ZFAND1: variants seen among roughly 807,000 people sequenced by gnomAD.
ZFAND1 encodes the protein AN1-type zinc finger protein 1.
ZFAND1 carries 40 observed loss-of-function variants against 38.5 expected under a neutral mutation model. The ratio of observed to expected loss-of-function variants is 1.04; its 90% CI spans 0.81 to 1.35. The LOEUF is 1.35. Among genes scored for constraint, ZFAND1 ranks in the 40% most tolerant of loss-of-function variants. The pLI, the probability that ZFAND1 is intolerant of heterozygous loss-of-function variation, is 0.00. For missense variants in ZFAND1, 346 were observed against 316.3 expected, an observed-to-expected ratio of 1.09 and a Z score of -0.71; for synonymous variants, 117 against 103.6, an observed-to-expected ratio of 1.13 and a Z score of -0.78.
chr8:81,719,465 C>A (rs1245423382), intron 1 of ZFAND1, among the ~76,000 whole-genome samples: 1 of 152,004 alleles, frequency 6.6e-6, no homozygotes, highest in Non-Finnish European at 1.5e-5. Context: ...CGAGATCGCG[C>A]CACTGCACTC....
In ZFAND1 at chr8:81,721,266, T is replaced by C. The variant is rs1459989363; in HGVS notation, c.16A>G (p.Ile6Val). Residue 6 changes from isoleucine to valine, a missense_variant, in exon 1 of 8, where the codon ATC becomes GTC. Coordinates refer to ENST00000220669, the MANE Select transcript of ZFAND1 (RefSeq NM_024699.3). MAELD[I>V]GQHCQVEHCR... ...TGCTCCACCTGGCAGTGCTGCCCGA[T>C]GTCCAACTCCGCCATCTCTCCGGCG... 1.2e-5 allele frequency: 18 copies of C among 1,549,270 alleles called. No individual in the cohort carries two copies. The highest frequency in any genetic ancestry group is 1.5e-5 in the Non-Finnish European group (17 of 1,147,144).
intron 6 of ZFAND1, among the ~76,000 whole-genome samples, chr8:81,710,673 G>A (rs112160185): frequency 2.2e-4 from 34 of 152,060 alleles, no homozygotes; most frequent in African/African-American, 6.0e-4. Context: ...AATATAAAGC[G>A]ATGAAAAAAT....
intron 6 of ZFAND1, among the ~76,000 whole-genome samples, chr8:81,707,677 C>T (rs1808022780): frequency 6.6e-6 from 1 of 152,002 alleles, no homozygotes; most frequent in Non-Finnish European, 1.5e-5. Context: ...AGATATAGAA[C>T]ATTCTATAAA....
intron 6 of ZFAND1, among the ~76,000 whole-genome samples, chr8:81,706,681 T>A (rs1025094313): frequency 1.4e-4 from 22 of 151,968 alleles, no homozygotes; most frequent in African/African-American, 4.3e-4. Context: ...ATTTAAAAAA[T>A]TAAAGCTATT....
rs1807806077 is a variant in ZFAND1, at chr8:81,701,402, C to T, written c.*1293G>A. 1.3e-5 allele frequency: 2 copies of T among 152,076 alleles called. No individual in the cohort carries two copies. Among genetic ancestry groups the T allele is most frequent in the African/African-American group, 4.8e-5 (2 of 41,394 alleles). 9.4% of individuals were successfully genotyped at this position (152,076 alleles called of 1,614,324 possible). On this transcript the variant is annotated 3_prime_UTR_variant, in exon 8 of 8. Coordinates refer to ENST00000220669, the MANE Select transcript of ZFAND1 (RefSeq NM_024699.3). ...ATTTTTTAGACATAATGCTATTGCACATTAAATAGACTATAGTATAGTGTA... is the reference window on the plus strand; with the variant it reads ...ATTTTTTAGACATAATGCTATTGCATATTAAATAGACTATAGTATAGTGTA...
At chr8:81,702,928 A>G in intron 7 of ZFAND1, 41 bp downstream of exon 7, 1 of 1,503,190 alleles carries the variant, frequency 6.7e-7, no homozygotes. Context: ...GCATCATAAA[A>G]CCTTTATTAA....
intron 6 of ZFAND1, among the ~76,000 whole-genome samples, chr8:81,704,039 T>C (rs1026845963): frequency 1.3e-5 from 2 of 152,104 alleles, no homozygotes; most frequent in African/African-American, 4.8e-5. Flanking sequence ...ACAACATTTC[T>C]TTTTATGTGA....
chr8:81,714,163 A>AATGTGGTCTCTGTATAT, intron 5 of ZFAND1, 124 bp from the exon 6 acceptor site: 2 of 897,508 alleles, frequency 2.2e-6, no homozygotes. Flanking sequence ...ATATACAGAG[A>AATGTGGTCTCTGTATAT]CCACATTCAT....
chr8:81,715,675 A>C (rs1808287492), intron 3 of ZFAND1, among the ~76,000 whole-genome samples: 1 of 152,110 alleles, frequency 6.6e-6, no homozygotes, highest in Admixed American at 6.5e-5. Context: ...ATTCTAAATC[A>C]GCCAGGCTAT....
At chr8:81,714,954 T>C (rs375643964) in intron 4 of ZFAND1, 33 bp downstream of exon 4, 5 of 1,613,904 alleles carry the variant, frequency 3.1e-6, no homozygotes, top group Non-Finnish European at 4.2e-6. Flanking sequence ...TAAACAGATA[T>C]ACAAAGTGTG....
At chr8:81,702,908 C>A in intron 7 of ZFAND1, 43 bp from the exon 8 acceptor site, 1 of 1,538,844 alleles carries the variant, frequency 6.5e-7, no homozygotes. Flanking sequence ...AATAAACATG[C>A]TTGAATGGAG....
At chr8:81,702,904 C>T in intron 7 of ZFAND1, 39 bp from the exon 8 acceptor site, 1 of 1,549,996 alleles carries the variant, frequency 6.5e-7, no homozygotes, top group Non-Finnish European at 8.7e-7. Context: ...AATAAATAAA[C>T]ATGCTTGAAT....
chr8:81,718,667 A>G (rs1160659161), intron 1 of ZFAND1, among the ~76,000 whole-genome samples: 3 of 149,448 alleles, frequency 2.0e-5, no homozygotes, highest in East Asian at 3.9e-4. Flanking sequence ...TATATATCCA[A>G]TAAATATATA....
intron 3 of ZFAND1, among the ~76,000 whole-genome samples, chr8:81,716,066 T>C (rs1428331286): frequency 6.6e-6 from 1 of 152,146 alleles, no homozygotes; most frequent in Non-Finnish European, 1.5e-5. Context: ...CTTCAAAGGG[T>C]CAGATTTTGA....
chr8:81,718,199 A>C lies in ZFAND1; in HGVS notation c.81T>G (p.Asp27Glu). The change falls in exon 2 of 8, where the codon GAT becomes GAG. Residue 27 changes from aspartate (D) to glutamate (E), a missense_variant. By Grantham distance (45) the Asp-to-Glu change is conservative. Transcript: ENST00000220669. ...QRDFLPFVCDDCSGIFCLEHR... is the reference protein window; with the variant it reads ...QRDFLPFVCDECSGIFCLEHR... ...TAACTTACCAAAATATTCCTGAACA[A>C]TCATCACACACAAATGGAAGAAAAT... 6.3e-7 allele frequency: 1 copy of C among 1,575,662 alleles called. No individual in the cohort carries two copies. The highest frequency in any genetic ancestry group is 8.6e-7 in the Non-Finnish European group (1 of 1,160,536).
At position 81,718,246 on chromosome 8, in the gene ZFAND1, T is replaced by C. The variant is rs1178311176; in HGVS notation, c.56-22A>G. 3.9e-6 allele frequency: 6 copies of C among 1,525,886 alleles called. No homozygotes were observed. In the East Asian group the frequency reaches 9.8e-5, roughly 25 times the overall value. The allele number at this position is 1,525,886 out of a possible 1,614,324, so 94.5% of individuals were successfully genotyped here. A position where few individuals can be genotyped will look rare whatever the true frequency, so the allele number is the denominator to read the frequency against. On this transcript the variant is annotated intron_variant, in intron 1 of 7. Coordinates refer to ENST00000220669, the MANE Select transcript of ZFAND1 (RefSeq NM_024699.3). Reference sequence around the variant, plus strand: ...AAATCTAAAATTGAGAGAAAATGTATATACTGGTCAGTATCTGATTTTGAT... The same window carrying C: ...AAATCTAAAATTGAGAGAAAATGTACATACTGGTCAGTATCTGATTTTGAT...
chr8:81,719,356 A>ACACACACACAC (rs1563611539), intron 1 of ZFAND1, among the ~76,000 whole-genome samples: 37 of 55,120 alleles, frequency 6.7e-4, no homozygotes, highest in African/African-American at 3.0e-3. Context: ...CACACACACA[A>ACACACACACAC]ATTAGCTGGG....
chr8:81,712,170 A>G (rs914174354), intron 6 of ZFAND1, among the ~76,000 whole-genome samples: 2 of 152,136 alleles, frequency 1.3e-5, no homozygotes, highest in African/African-American at 4.8e-5. Flanking sequence ...TAATAAAAAA[A>G]TTTACAGTAA....
chr8:81,709,638 T>C (rs538943601), intron 6 of ZFAND1, among the ~76,000 whole-genome samples: 2 of 152,284 alleles, frequency 1.3e-5, no homozygotes, highest in South Asian at 4.1e-4. Context: ...ATTATACATG[T>C]ATGTATAAAC....
Sources: gnomAD v4.1 joint callset for allele counts (sites outside exome capture counted in the v4.1 genomes callset) on GRCh38, gnomAD v4.1.1 for gene constraint, MANE v1.5 for transcripts, NCBI Gene and HGNC (gene_info 2026-07-23, HGNC 2026-07-21) for gene names.